The following CACNA2D1 variants were observed in gnomAD, a reference collection of about 807,000 sequenced individuals.
CACNA2D1 encodes voltage-dependent calcium channel subunit alpha-2/delta-1.
In CACNA2D1, 53 loss-of-function variants were observed where a neutral mutation model predicts 171.5. The observed-to-expected ratio is 0.31, with a 90% CI of 0.25 to 0.39. The LOEUF (loss-of-function observed/expected upper bound fraction) is 0.39. Among genes scored for constraint, CACNA2D1 ranks in the 10% least tolerant of loss-of-function variants. The probability of loss-of-function intolerance (pLI) is 1.00; values close to 1 mark genes in which losing one functional copy is unlikely to be tolerated. For synonymous variants in CACNA2D1, 442 were observed against 443.1 expected (o/e 1.00, Z 0.03); for missense variants, 903 against 1,299.8 (o/e 0.69, Z 4.69).
At chr7:82,202,163 T>C (rs1799511056) in intron 3 of CACNA2D1, among the ~76,000 whole-genome samples, 1 of 152,224 alleles carries the variant, frequency 6.6e-6, no homozygotes, top group Admixed American at 6.5e-5. Flanking sequence ...CACTATTGTA[T>C]GTACAAGGTA....
At chr7:82,172,282 A>G (rs1233518504) in intron 3 of CACNA2D1, among the ~76,000 whole-genome samples, 3 of 152,034 alleles carry the variant, frequency 2.0e-5, no homozygotes, top group African/African-American at 7.2e-5. Flanking sequence ...ACATTTCAGG[A>G]ACACTGCATC....
intron 5 of CACNA2D1, among the ~76,000 whole-genome samples, chr7:82,122,324 T>G (rs1054688121): frequency 6.6e-6 from 1 of 152,174 alleles, no homozygotes; most frequent in Non-Finnish European, 1.5e-5. Flanking sequence ...CAAATAAGAT[T>G]AAAGTCGCTG....
intron 1 of CACNA2D1, among the ~76,000 whole-genome samples, chr7:82,435,918 T>G (rs550679323): frequency 6.6e-6 from 1 of 152,290 alleles, no homozygotes; most frequent in Admixed American, 6.5e-5. Flanking sequence ...GCTACCAACA[T>G]CACTTCCAAT....
intron 5 of CACNA2D1, among the ~76,000 whole-genome samples, chr7:82,118,676 C>T (rs751537024): frequency 3.3e-5 from 5 of 152,076 alleles, no homozygotes; most frequent in Non-Finnish European, 5.9e-5. Flanking sequence ...TCCTCTCACA[C>T]TTAACAATTA....
chr7:81,974,121 A>G (rs1235588685), intron 25 of CACNA2D1, among the ~76,000 whole-genome samples: 1 of 151,998 alleles, frequency 6.6e-6, no homozygotes, highest in African/African-American at 2.4e-5. Flanking sequence ...GTTTTCCTCT[A>G]CCAGGCAAAA....
intron 36 of CACNA2D1, among the ~76,000 whole-genome samples, chr7:81,961,152 CAA>C (rs1794068349): frequency 6.6e-6 from 1 of 151,900 alleles, no homozygotes; most frequent in Non-Finnish European, 1.5e-5. Context: ...CCTCTAAAAA[CAA>C]AGTGTCTCTA....
rs2129446494 is a variant in CACNA2D1, at chr7:82,354,673, G to A, written c.96-5024C>T. 1.3e-5 allele frequency among the ~76,000 whole-genome samples: 2 copies of A among 152,212 alleles called. 1 individual carries two copies. The highest frequency in any genetic ancestry group is 4.1e-4 in the South Asian group (2 of 4,826). On this transcript the variant is annotated intron_variant, in intron 1 of 38. Coordinates refer to ENST00000356860, the MANE Select transcript of CACNA2D1 (RefSeq NM_000722.4). ...AATGGGAGGCTTAAAAAGAATAGCT[G>A]GAAAGTATTTAAGGACTTGGCACTA...
chr7:81,983,637 C>G (rs1796660913), intron 22 of CACNA2D1, among the ~76,000 whole-genome samples: 1 of 152,098 alleles, frequency 6.6e-6, no homozygotes, highest in African/African-American at 2.4e-5. Flanking sequence ...TAAACATAAG[C>G]ATTTACTAAT....
rs753916927 is a variant in CACNA2D1 at position 81,984,589 on chromosome 7, C to T, written c.1873+46G>A. The T allele has an allele frequency of 7.0e-6, 7 of 1,004,018 alleles. No homozygotes were observed. The South Asian group carries it at 9.5e-5, about 14-fold the overall frequency. The allele number at this position is 1,004,018 out of a possible 1,614,324, so 62.2% of individuals were successfully genotyped here. The stretch of plus-strand genomic sequence containing the variant: ...TCTAGACGTATTTAAACATCTGATA[C>T]TAGGAGATAACAAATGGACCCTGAA... On this transcript the variant is annotated intron_variant, in intron 22 of 38. Coordinates refer to ENST00000356860, the MANE Select transcript of CACNA2D1 (RefSeq NM_000722.4).
intron 19 of CACNA2D1, among the ~76,000 whole-genome samples, chr7:81,995,517 G>A (rs976292150): frequency 5.9e-5 from 9 of 152,056 alleles, no homozygotes; most frequent in Non-Finnish European, 1.2e-4. Context: ...ATGCAAGGTC[G>A]GCCAGGTGCA....
At position 82,435,401 on chromosome 7, in the gene CACNA2D1, G is replaced by A. The variant is rs577618260; in HGVS notation, c.95+7964C>T. On this transcript the variant is annotated intron_variant, in intron 1 of 38. Transcript: ENST00000356860. ...ACACTGCAAACTCCAAATGTCCAAC[G>A]ATCAACCTACTCCCACTCTCACAAC... 1.7e-3 allele frequency among the ~76,000 whole-genome samples: 259 copies of A among 152,068 alleles called. 3 individuals are homozygous for A. The highest frequency in any genetic ancestry group is 5.8e-3 in the African/African-American group (241 of 41,498).
chr7:82,180,109 A>T (rs1243569931), intron 3 of CACNA2D1, among the ~76,000 whole-genome samples: 2 of 152,280 alleles, frequency 1.3e-5, no homozygotes, highest in African/African-American at 4.8e-5. Context: ...TCACATGAAC[A>T]GAGGCAAAGA....
chr7:82,085,258 T>C lies in CACNA2D1; in HGVS notation c.527-358A>G, dbSNP rs115615449. On this transcript the variant is annotated intron_variant, in intron 6 of 38. Coordinates refer to ENST00000356860, the MANE Select transcript of CACNA2D1 (RefSeq NM_000722.4). ...AGCAGCATCTCTGGCCTCTATCCAC[T>C]AGATACTAGTACCTCCCCACCCCCA... Among the ~76,000 whole-genome samples the C allele has an allele frequency of 6.0e-3, 908 of 152,242 alleles. 7 individuals are homozygous for C. The highest frequency in any genetic ancestry group is 0.021 in the African/African-American group (854 of 41,536).
At chr7:82,254,575 G>A (rs17156069) in intron 3 of CACNA2D1, among the ~76,000 whole-genome samples, 13,693 of 152,026 alleles carry the variant, frequency 0.09, 1,469 homozygotes, top group African/African-American at 0.26. Context: ...ATTCTTAAGC[G>A]TCGTTTTGGT....
chr7:82,332,844 T>TG (rs746456759), intron 3 of CACNA2D1, among the ~76,000 whole-genome samples: 2 of 151,866 alleles, frequency 1.3e-5, no homozygotes, highest in Non-Finnish European at 1.5e-5. Flanking sequence ...TACAAAAAAT[T>TG]AAAAAATAGC....
In CACNA2D1 at chr7:82,148,936, T is replaced by C. The variant is rs1173394071; in HGVS notation, c.355-12260A>G. On this transcript the variant is annotated intron_variant, in intron 4 of 38. Coordinates refer to ENST00000356860, the MANE Select transcript of CACNA2D1 (RefSeq NM_000722.4). ...ACAGGCGTGAGCCACTACACCCGGCTGGACACCCTTCTTAATGCCTCTCAT... is the reference window on the plus strand; with the variant it reads ...ACAGGCGTGAGCCACTACACCCGGCCGGACACCCTTCTTAATGCCTCTCAT... Among the ~76,000 whole-genome samples, 3 of 152,222 alleles carry C rather than the reference T, an allele frequency of 2.0e-5. 1 individual carries two copies. The highest frequency in any genetic ancestry group is 7.2e-5 in the African/African-American group (3 of 41,464).
At chr7:82,318,001 TTTAA>T (rs1400621304) in intron 3 of CACNA2D1, among the ~76,000 whole-genome samples, 6 of 151,882 alleles carry the variant, frequency 4.0e-5, no homozygotes, top group African/African-American at 1.5e-4. Context: ...TCCTTTCTCC[TTTAA>T]TTGTGTAAGA....
intron 1 of CACNA2D1, among the ~76,000 whole-genome samples, chr7:82,425,784 C>G (rs1829115916): frequency 6.6e-6 from 1 of 150,980 alleles, no homozygotes; most frequent in Admixed American, 6.6e-5. Context: ...GTGTGAGCCA[C>G]CGCGCCCAAC....
chr7:82,056,009 TAAAA>T (rs61512655), intron 10 of CACNA2D1, among the ~76,000 whole-genome samples: 1 of 42,196 alleles, frequency 2.4e-5, no homozygotes, highest in Non-Finnish European at 4.0e-5. Context: ...ACTCAAAAGT[TAAAA>T]AAAAAAAAAA....
Sources: allele counts gnomAD v4.1 joint callset (sites outside exome capture counted in the v4.1 genomes callset), GRCh38; gene constraint gnomAD v4.1.1; transcripts MANE v1.5; gene names NCBI Gene and HGNC (gene_info 2026-07-23, HGNC 2026-07-21).